The following ANKRD36C variants were observed in gnomAD, a reference collection of about 807,000 sequenced individuals.
ANKRD36C encodes the protein ankyrin repeat domain-containing protein 36C.
Under a neutral mutation model 276.4 loss-of-function variants are expected in ANKRD36C, and 61 were observed. That is an observed-to-expected ratio of 0.22 (90% CI 0.18 to 0.27). The LOEUF is 0.27. Ranked by LOEUF, ANKRD36C falls within the 10% of genes least tolerant of loss-of-function variation. The pLI is 1.00. For missense variants in ANKRD36C, 1,447 were observed against 2,032.3 expected, an observed-to-expected ratio of 0.71 and a Z score of 5.54; for synonymous variants, 483 against 680.1, an observed-to-expected ratio of 0.71 and a Z score of 4.51.
intron 6 of ANKRD36C, among the ~76,000 whole-genome samples, chr2:95,964,232 C>T (rs1678540897): frequency 6.7e-6 from 1 of 149,978 alleles, no homozygotes; most frequent in Non-Finnish European, 1.5e-5. Flanking sequence ...AATATGCTAA[C>T]TGATGTGAAC....
chr2:95,871,698 TC>T (rs1355266837), intron 59 of ANKRD36C, among the ~76,000 whole-genome samples: 1 of 152,020 alleles, frequency 6.6e-6, no homozygotes, highest in African/African-American at 2.4e-5. Context: ...GACTAAATGC[TC>T]CAATCAAAAG....
intron 20 of ANKRD36C, among the ~76,000 whole-genome samples, 166 bp downstream of exon 20, chr2:95,940,994 A>T (rs1199375313): frequency 2.7e-5 from 4 of 149,514 alleles, no homozygotes; most frequent in Admixed American, 1.3e-4. Flanking sequence ...ATTTAATTTT[A>T]AATTTATTTT....
exon 32 of ANKRD36C, chr2:95,923,500 C>T: frequency 6.2e-7 from 1 of 1,610,740 alleles, no homozygotes; most frequent in Non-Finnish European, 8.5e-7. Context: ...ATTACCTGTC[C>T]CACATTGTAG....
chr2:95,913,731 C>A lies in ANKRD36C; in HGVS notation c.2551+377G>T, dbSNP rs144892426. On this transcript the variant is annotated intron_variant, in intron 40 of 66. Transcript: ENST00000456556. ...TACAGTGTCTATGGGTTGTTACAAGCTTTCTGTCTTTTCTTGGCAGTATGA... is the reference window on the plus strand; with the variant it reads ...TACAGTGTCTATGGGTTGTTACAAGATTTCTGTCTTTTCTTGGCAGTATGA... 1.8e-4 allele frequency among the ~76,000 whole-genome samples: 27 copies of A among 151,450 alleles called. No individual in the cohort carries two copies. The East Asian group carries it at 4.9e-3, about 28-fold the overall frequency.
Position 95,991,562 on chromosome 2 carries a change from C to T in ANKRD36C, c.147G>A (p.Lys49=), listed in dbSNP as rs542264689. 1.5e-5 allele frequency: 25 copies of T among 1,613,612 alleles called. No homozygotes were observed. In the East Asian group the frequency reaches 5.6e-4, roughly 36 times the overall value. Residue 49 remains lysine (K), a synonymous_variant, in exon 1 of 67, where the codon AAG becomes AAA. Coordinates refer to ENST00000456556, the Ensembl canonical transcript of ANKRD36C. ...TGTCATAACGCGTGAGCAGAACGAA[C>T]TTCAGTTCCTCCAGATCACGATAGA...
chr2:95,921,735 T>C (rs772119313), intron 33 of ANKRD36C, 47 bp downstream of exon 33: 8 of 1,593,520 alleles, frequency 5.0e-6, no homozygotes, highest in Non-Finnish European at 6.0e-6. Context: ...GCATGTTTCA[T>C]AGACTATAGA....
chr2:95,912,736 C>A (rs1378146523), intron 40 of ANKRD36C, among the ~76,000 whole-genome samples: 3 of 151,394 alleles, frequency 2.0e-5, no homozygotes, highest in African/African-American at 7.3e-5. Flanking sequence ...CAAATGTGAT[C>A]TAAAATCAGA....
chr2:95,990,143 T>C (rs1251312127), intron 1 of ANKRD36C, among the ~76,000 whole-genome samples: 2 of 152,238 alleles, frequency 1.3e-5, no homozygotes, highest in African/African-American at 4.8e-5. Flanking sequence ...TTTTCTGTTA[T>C]CTCTTATTTT....
exon 63 of ANKRD36C, chr2:95,855,592 T>G (rs1675392181): frequency 6.2e-7 from 1 of 1,610,812 alleles, no homozygotes; most frequent in African/African-American, 1.3e-5. Context: ...TTCATTTGAC[T>G]CTGTTTTTGC....
At chr2:95,988,265 T>C (rs1328936186) in intron 1 of ANKRD36C, among the ~76,000 whole-genome samples, 1 of 152,174 alleles carries the variant, frequency 6.6e-6, no homozygotes, top group Non-Finnish European at 1.5e-5. Context: ...CTCATTTTTT[T>C]CAATACTTAC....
intron 40 of ANKRD36C, among the ~76,000 whole-genome samples, chr2:95,913,293 T>A (rs1676989915): frequency 6.6e-6 from 1 of 150,766 alleles, no homozygotes; most frequent in African/African-American, 2.4e-5. Context: ...AATACTCTTG[T>A]TGGGAGTATC....
At position 95,918,904 on chromosome 2, in the gene ANKRD36C, G is replaced by A. The variant is rs1030047713; in HGVS notation, c.2246-862C>T. Among the ~76,000 whole-genome samples the A allele has an allele frequency of 3.0e-4, 42 of 137,918 alleles. 1 individual carries two copies. The highest frequency in any genetic ancestry group is 1.0e-3 in the African/African-American group (41 of 39,850). 90.5% of individuals were successfully genotyped at this position (137,918 alleles called of 152,430 possible). On this transcript the variant is annotated intron_variant, in intron 34 of 66. Transcript: ENST00000456556. ...TTGTTTCTAAAACATGATACTTCTT[G>A]GGAGTATCATGTTAGTCTCTAAAGA...
intron 44 of ANKRD36C, 87 bp from the exon 61 acceptor site, chr2:95,895,677 G>C (rs1485876007): frequency 6.4e-7 from 1 of 1,553,424 alleles, no homozygotes; most frequent in Admixed American, 1.8e-5. Context: ...ATCAACCTCT[G>C]TCCTCCTGCC....
intron 34 of ANKRD36C, among the ~76,000 whole-genome samples, chr2:95,921,062 T>C (rs538609068): frequency 1.7e-4 from 25 of 150,556 alleles, no homozygotes; most frequent in Middle Eastern, 3.4e-3. Flanking sequence ...TGAAGTGAGT[T>C]CACTCAGATT....
At chr2:95,851,495 A>G (rs1242196355) in intron 66 of ANKRD36C, among the ~76,000 whole-genome samples, 199 bp downstream of exon 86, 2 of 152,250 alleles carry the variant, frequency 1.3e-5, no homozygotes, top group Admixed American at 1.3e-4. Flanking sequence ...TGCATAAGGT[A>G]TATATGAAAC....
chr2:95,966,063 T>C (rs1388766608), intron 6 of ANKRD36C, among the ~76,000 whole-genome samples: 2 of 152,176 alleles, frequency 1.3e-5, no homozygotes, highest in East Asian at 1.9e-4. Context: ...AAAGGCTATG[T>C]CTACCAAAGA....
In ANKRD36C at chr2:95,897,682, G is replaced by T. The variant is rs1676595163; in HGVS notation, c.2755+1463C>A. Among the ~76,000 whole-genome samples the T allele has an allele frequency of 1.4e-5, 2 of 143,436 alleles. 1 individual carries two copies. Among genetic ancestry groups the T allele is most frequent in the Non-Finnish European group, 3.1e-5 (2 of 64,260 alleles). 94.1% of individuals were successfully genotyped at this position (143,436 alleles called of 152,430 possible). On this transcript the variant is annotated intron_variant, in intron 44 of 66. Transcript: ENST00000456556. ...ATATAGTCTTAGAATTTCAAACATG[G>T]TATGATTTGTCATATGCCAAAAACT...
intron 34 of ANKRD36C, among the ~76,000 whole-genome samples, chr2:95,920,381 G>A (rs796968106): frequency 7.6e-6 from 1 of 132,206 alleles, no homozygotes; most frequent in South Asian, 2.3e-4. Context: ...AAGGCACACA[G>A]TTACCATGGC....
Position 95,929,234 on chromosome 2 carries a change from A to T in ANKRD36C, c.1764+5T>A, listed in dbSNP as rs750263251. 50 of 1,592,764 alleles carry T rather than the reference A, an allele frequency of 3.1e-5. No homozygotes were observed. The highest frequency in any genetic ancestry group is 3.8e-5 in the Non-Finnish European group (45 of 1,176,304). On this transcript the variant is annotated splice_donor_5th_base_variant and intron_variant, in intron 25 of 66. Transcript: ENST00000456556. ...AGTTCAACATATAAATGAGACTTTA[A>T]TTACCTTCTCAGCTGGTTGTTTCTG...
Sources: gnomAD v4.1 joint callset for allele counts (sites outside exome capture counted in the v4.1 genomes callset) on GRCh38, gnomAD v4.1.1 for gene constraint, MANE v1.5 for transcripts, NCBI Gene and HGNC (gene_info 2026-07-23, HGNC 2026-07-21) for gene names.